Variants in HIGD1B observed in about 807,000 individuals in gnomAD.
The protein encoded by HIGD1B is HIG1 domain family member 1B.
A neutral mutation model predicts 8.8 loss-of-function variants in HIGD1B; 9 were observed. The ratio of observed to expected loss-of-function variants is 1.02; its 90% CI spans 0.62 to 1.78. The LOEUF (loss-of-function observed/expected upper bound fraction) is 1.78, where lower values mean the gene tolerates loss of function less well. Among genes scored for constraint, HIGD1B ranks in the 40% most tolerant of loss-of-function variants. The probability of loss-of-function intolerance (pLI) is 0.00; values close to 1 mark genes in which losing one functional copy is unlikely to be tolerated. For synonymous variants in HIGD1B, 47 were observed against 38.8 expected, an observed-to-expected ratio of 1.21 and a Z score of -0.78; for missense variants, 126 against 111.8, an observed-to-expected ratio of 1.13 and a Z score of -0.57.
At chr17:44,848,973 C>T (rs980078211) in intron 1 of HIGD1B, 2 of 316,950 alleles carry the variant, frequency 6.3e-6, no homozygotes, top group Non-Finnish European at 1.2e-5. Flanking sequence ...CTGGGTTTCT[C>T]CATTTTGGTC....
chr17:44,846,795 A>AAAAGAAG, upstream of HIGD1B, among the ~76,000 whole-genome samples: 1 of 149,554 alleles, frequency 6.7e-6, no homozygotes, highest in Non-Finnish European at 1.5e-5. Flanking sequence ...AAAAAAAAAA[A>AAAAGAAG]AAAGAAGAAA....
rs146461984 is a variant in HIGD1B at position 44,849,312 on chromosome 17, T to C, written c.159T>C (p.Gly53=). ...GGATTTACCGGCTGAGGTCTCGTGG[T>C]TCCACCAAGATGTCCATACACCTGA... is the stretch of plus-strand genomic sequence containing the variant. ...AYRIYRLRSR[G]STKMSIHLIH... The change falls in exon 2 of 3, where the codon GGT becomes GGC. Residue 53 remains glycine, a synonymous_variant. Coordinates refer to ENST00000253410, the MANE Select transcript of HIGD1B (RefSeq NM_016438.4). 4.4e-4 allele frequency: 711 copies of C among 1,614,116 alleles called. 1 individual carries two copies. The African/African-American group carries it at 7.9e-3, about 18-fold the overall frequency.
chr17:44,848,279 G>A (rs750413857), intron 1 of HIGD1B, 27 bp downstream of exon 1: 8 of 866,018 alleles, frequency 9.2e-6, no homozygotes, highest in Admixed American at 3.4e-5. Flanking sequence ...ATGGGGTGCC[G>A]AGTAGGAGGC....
intron 1 of HIGD1B, 79 bp downstream of exon 1, chr17:44,848,331 G>A: frequency 1.3e-6 from 1 of 782,416 alleles, no homozygotes; most frequent in East Asian, 2.5e-5. Flanking sequence ...AGAGAATGAA[G>A]CAGAGGTCAG....
intron 2 of HIGD1B, 199 bp from the exon 3 acceptor site, chr17:44,850,133 C>T (rs947540602): frequency 1.3e-5 from 7 of 540,564 alleles, no homozygotes; most frequent in Middle Eastern, 5.0e-4. Flanking sequence ...GAAAGTGTTT[C>T]GTGAACTGTC....
chr17:44,849,875 C>T (rs1228444856), intron 2 of HIGD1B: 1 of 178,812 alleles, frequency 5.6e-6, no homozygotes, highest in Non-Finnish European at 1.2e-5. Flanking sequence ...AGGCTCCTGT[C>T]CCAGGCCTGT....
At chr17:44,849,155 T>A in intron 1 of HIGD1B, 99 bp from the exon 2 acceptor site, 4 of 1,314,452 alleles carry the variant, frequency 3.0e-6, no homozygotes, top group Admixed American at 2.0e-5. Context: ...TAAAACCAGC[T>A]GTTTATCCAG....
In HIGD1B at chr17:44,850,374, C is replaced by T. The variant is rs778690173; in HGVS notation, c.278C>T (p.Ala93Val). Residue 93 changes from alanine to valine, a missense_variant, in exon 3 of 3, where the codon GCA becomes GTA. Coordinates refer to ENST00000253410, the MANE Select transcript of HIGD1B (RefSeq NM_016438.4). ...TACAGCGATTACGTCAAGAGGATGG[C>T]ACAGGATGCTGGAGAGAAGTAGGAC... The part of the protein sequence containing the change: ...TMYSDYVKRM[A>V]QDAGEK The T allele has an allele frequency of 1.2e-6, 2 of 1,613,216 alleles. No homozygotes were observed. Among genetic ancestry groups the T allele is most frequent in the Non-Finnish European group, 1.7e-6 (2 of 1,179,446 alleles).
chr17:44,844,887 T>C (rs1000030781), upstream of HIGD1B, among the ~76,000 whole-genome samples: 1 of 152,196 alleles, frequency 6.6e-6, no homozygotes, highest in African/African-American at 2.4e-5. Flanking sequence ...AGGTAAGTCA[T>C]TAAGCCTCTC....
chr17:44,847,290 G>A (rs936820754), upstream of HIGD1B, among the ~76,000 whole-genome samples: 31 of 152,188 alleles, frequency 2.0e-4, no homozygotes, highest in African/African-American at 7.2e-4. Context: ...AAAATTAGCC[G>A]GGCGCGGTGG....
rs753678282 is a variant in HIGD1B, at chr17:44,850,429, C to T, written c.*33C>T. On this transcript the variant is annotated 3_prime_UTR_variant, in exon 3 of 3. Transcript: ENST00000253410. ...ATAGGAGCCGGGGCTGTCCAACTCC[C>T]CTAACTCAATCCCTGGTACATTCCT... 6.6e-7 allele frequency: 1 copy of T among 1,510,264 alleles called. No homozygotes were observed. The highest frequency in any genetic ancestry group is 2.3e-5 in the East Asian group (1 of 44,358). 93.6% of individuals were successfully genotyped at this position (1,510,264 alleles called of 1,614,324 possible).
chr17:44,847,679 T>C (rs960069372), upstream of HIGD1B, among the ~76,000 whole-genome samples: 1 of 152,224 alleles, frequency 6.6e-6, no homozygotes, highest in Non-Finnish European at 1.5e-5. Context: ...CACTATCTGG[T>C]CTAGGACATT....
At chr17:44,845,493 G>C, upstream of HIGD1B, among the ~76,000 whole-genome samples, 1 of 152,072 alleles carries the variant, frequency 6.6e-6, no homozygotes, top group Admixed American at 6.6e-5. Flanking sequence ...AGCCAAGTGT[G>C]GTGGTATGTG....
upstream of HIGD1B, chr17:44,847,846 T>G: frequency 1.1e-5 from 3 of 268,946 alleles, no homozygotes; most frequent in Non-Finnish European, 1.4e-5. Context: ...ATCACACCCA[T>G]AGGGATGCAG....
upstream of HIGD1B, among the ~76,000 whole-genome samples, chr17:44,845,364 A>G (rs564049008): frequency 6.6e-6 from 1 of 152,030 alleles, no homozygotes; most frequent in Admixed American, 6.6e-5. Context: ...AGGTAGTATA[A>G]AGAGTTCTGG....
In HIGD1B at chr17:44,849,374, G is replaced by T. The variant is rs745647263; in HGVS notation, c.221G>T (p.Gly74Val). Residue 74 changes from glycine (G) to valine (V), a missense_variant, in exon 2 of 3, where the codon GGT becomes GTT. By Grantham distance (109) the Gly-to-Val change is moderately radical. Transcript: ENST00000253410. ...GTGGCAGCGCAGGCCTGTGCAGTGGGTGCAATCATGCTAGGTGAGTAGCTT... is the reference window on the plus strand; with the variant it reads ...GTGGCAGCGCAGGCCTGTGCAGTGGTTGCAATCATGCTAGGTGAGTAGCTT... The part of the protein sequence containing the change: ...TRVAAQACAV[G>V]AIMLGAVYTM... 6.2e-7 allele frequency: 1 copy of T among 1,614,022 alleles called. No homozygotes were observed. The highest frequency in any genetic ancestry group is 1.1e-5 in the South Asian group (1 of 91,076).
upstream of HIGD1B, among the ~76,000 whole-genome samples, chr17:44,847,009 C>A (rs547210193): frequency 6.6e-6 from 1 of 152,008 alleles, no homozygotes. Context: ...TGGTACACAC[C>A]TGTAATCCCA....
chr17:44,848,051 C>G lies in HIGD1B; in HGVS notation c.-102C>G. ...GGGTCTTAGCAGGTAACCTTCCTTT[C>G]CTCTCCAGACTGAGGAATCAGAGTT... On this transcript the variant is annotated 5_prime_UTR_variant, in exon 1 of 3. Transcript: ENST00000253410. 8.6e-6 allele frequency: 6 copies of G among 695,646 alleles called. No individual in the cohort carries two copies. The highest frequency in any genetic ancestry group is 1.3e-5 in the Non-Finnish European group (5 of 386,494). The allele number at this position is 695,646 out of a possible 1,614,324, so 43.1% of individuals were successfully genotyped here.
At chr17:44,848,957 T>TA (rs1385619777) in intron 1 of HIGD1B, 1 of 282,776 alleles carries the variant, frequency 3.5e-6, no homozygotes, top group Non-Finnish European at 6.8e-6. Flanking sequence ...GTACTTTTAG[T>TA]AGAGACTGGG....
Sources: gnomAD v4.1 joint callset for allele counts (sites outside exome capture counted in the v4.1 genomes callset) on GRCh38, gnomAD v4.1.1 for gene constraint, MANE v1.5 for transcripts, NCBI Gene and HGNC (gene_info 2026-07-23, HGNC 2026-07-21) for gene names.